The following ATXN1 variants were observed in gnomAD, a reference collection of about 807,000 sequenced individuals.
ATXN1 encodes ataxin-1.
In ATXN1, 8 loss-of-function variants were observed where a neutral mutation model predicts 56.4. The observed-to-expected ratio is 0.14, with a 90% CI of 0.08 to 0.26. ATXN1 has a LOEUF of 0.26. Among genes scored for constraint, ATXN1 ranks in the 10% least tolerant of loss-of-function variants. The pLI, the probability that ATXN1 is intolerant of heterozygous loss-of-function variation, is 1.00. For synonymous variants in ATXN1, 514 were observed against 494.6 expected (o/e 1.04, Z -0.52); for missense variants, 987 against 1,106.5 (o/e 0.89, Z 1.53).
intron 3 of ATXN1, among the ~76,000 whole-genome samples, chr6:16,654,190 G>A (rs1758141604): frequency 6.6e-6 from 1 of 152,172 alleles, no homozygotes; most frequent in Non-Finnish European, 1.5e-5. Context: ...CACTCACAGA[G>A]TAATGCACAG....
chr6:16,395,908 G>C (rs190856205), intron 6 of ATXN1, among the ~76,000 whole-genome samples: 16 of 151,554 alleles, frequency 1.1e-4, no homozygotes, highest in Non-Finnish European at 1.3e-4. Flanking sequence ...TCAGCTCTTC[G>C]GGTGGCTGAG....
chr6:16,325,332 G>A (rs1468152272), intron 7 of ATXN1, among the ~76,000 whole-genome samples: 1 of 151,938 alleles, frequency 6.6e-6, no homozygotes, highest in Non-Finnish European at 1.5e-5. Context: ...TGGCCAGGCC[G>A]GTCTCGAACT....
Position 16,761,390 on chromosome 6 carries a change from T to A in ATXN1, c.-822A>T, listed in dbSNP as rs1395486928. ...CGGCTGCTGTTGCTCTGGCTGCTGC[T>A]CCACGGGGCTTGTTTTGGATCCCCC... On this transcript the variant is annotated 5_prime_UTR_variant, in exon 1 of 8. Transcript: ENST00000436367. 1 of 456,398 alleles carries A rather than the reference T, an allele frequency of 2.2e-6. No homozygotes were observed. Among genetic ancestry groups the A allele is most frequent in the Non-Finnish European group, 4.4e-6 (1 of 226,912 alleles). 28.3% of individuals were successfully genotyped at this position (456,398 alleles called of 1,614,324 possible). A position where few individuals can be genotyped will look rare whatever the true frequency, so the allele number is the denominator to read the frequency against.
At chr6:16,330,998 C>G (rs1261375386) in intron 6 of ATXN1, among the ~76,000 whole-genome samples, 1 of 151,986 alleles carries the variant, frequency 6.6e-6, no homozygotes, top group Non-Finnish European at 1.5e-5. Context: ...TTTACTCTCG[C>G]AACCCAGGTG....
At chr6:16,564,283 G>T (rs370053403) in intron 4 of ATXN1, among the ~76,000 whole-genome samples, 3 of 151,008 alleles carry the variant, frequency 2.0e-5, no homozygotes, top group African/African-American at 7.4e-5. Flanking sequence ...GAGAGAGGAG[G>T]CCATCGTGAA....
intron 6 of ATXN1, among the ~76,000 whole-genome samples, chr6:16,480,632 A>C (rs1283012974): frequency 2.0e-5 from 3 of 152,176 alleles, no homozygotes; most frequent in African/African-American, 7.2e-5. Context: ...AATATCATGT[A>C]ATTGAGTGAA....
intron 6 of ATXN1, among the ~76,000 whole-genome samples, chr6:16,366,711 G>A (rs974872653): frequency 7.5e-5 from 10 of 132,774 alleles, no homozygotes; most frequent in Non-Finnish European, 1.3e-4. Context: ...AACCCGGGAG[G>A]TGGAGGTTGC....
chr6:16,757,102 G>A (rs1279194564), intron 1 of ATXN1, among the ~76,000 whole-genome samples: 1 of 152,204 alleles, frequency 6.6e-6, no homozygotes, highest in African/African-American at 2.4e-5. Context: ...ACTTAGGTAT[G>A]TTGAAACTTA....
chr6:16,376,670 C>T (rs919230915), intron 6 of ATXN1, among the ~76,000 whole-genome samples: 5 of 152,308 alleles, frequency 3.3e-5, no homozygotes, highest in Admixed American at 1.3e-4. Context: ...AGACAATTTC[C>T]CTTTATTTCA....
At chr6:16,644,765 C>T (rs1470247004) in intron 3 of ATXN1, among the ~76,000 whole-genome samples, 1 of 151,992 alleles carries the variant, frequency 6.6e-6, no homozygotes, top group Non-Finnish European at 1.5e-5. Flanking sequence ...CGTGGCCACT[C>T]ACCAGGAAAG....
At chr6:16,380,833 G>C (rs932224503) in intron 6 of ATXN1, among the ~76,000 whole-genome samples, 1 of 152,120 alleles carries the variant, frequency 6.6e-6, no homozygotes, top group Non-Finnish European at 1.5e-5. Context: ...CATTGTTATG[G>C]GCTGAATTCT....
chr6:16,490,204 A>C (rs899388317), intron 5 of ATXN1, among the ~76,000 whole-genome samples: 4 of 151,704 alleles, frequency 2.6e-5, no homozygotes, highest in Non-Finnish European at 1.5e-5. Context: ...AGGTTATTAC[A>C]CTGTGTGTGG....
chr6:16,736,447 A>G (rs1212203212), intron 2 of ATXN1, among the ~76,000 whole-genome samples: 1 of 152,210 alleles, frequency 6.6e-6, no homozygotes, highest in Non-Finnish European at 1.5e-5. Context: ...GCTTTTCAGG[A>G]GTAAAAAGAG....
At chr6:16,550,457 T>A (rs191293728) in intron 4 of ATXN1, among the ~76,000 whole-genome samples, 36 of 152,370 alleles carry the variant, frequency 2.4e-4, no homozygotes, top group Non-Finnish European at 4.6e-4. Flanking sequence ...AAATACATTT[T>A]GATCTATTTC....
At chr6:16,664,274 T>C (rs1447253503) in intron 2 of ATXN1, among the ~76,000 whole-genome samples, 1 of 152,122 alleles carries the variant, frequency 6.6e-6, no homozygotes, top group Non-Finnish European at 1.5e-5. Context: ...CATAATACAA[T>C]GAATGAAGAG....
chr6:16,503,311 G>A (rs1760918565), intron 5 of ATXN1, among the ~76,000 whole-genome samples: 1 of 152,166 alleles, frequency 6.6e-6, no homozygotes, highest in African/African-American at 2.4e-5. Flanking sequence ...GAGCTGAGGA[G>A]TCTGTACTCC....
chr6:16,761,363 T>A lies in ATXN1; in HGVS notation c.-795A>T. The A allele has an allele frequency of 2.2e-6, 1 of 456,394 alleles. No individual in the cohort carries two copies. Among genetic ancestry groups the A allele is most frequent in the South Asian group, 1.5e-5 (1 of 64,554 alleles). The allele number at this position is 456,394 out of a possible 1,614,324, so 28.3% of individuals were successfully genotyped here. On this transcript the variant is annotated 5_prime_UTR_variant, in exon 1 of 8. Coordinates refer to ENST00000436367, the MANE Select transcript of ATXN1 (RefSeq NM_001128164.2). ...GGGCAGAGGGAGAGAAACAATGTCT[T>A]GCGGCTGCTGTTGCTCTGGCTGCTG...
intron 6 of ATXN1, among the ~76,000 whole-genome samples, chr6:16,387,885 C>A (rs1041533169): frequency 7.2e-5 from 11 of 152,134 alleles, no homozygotes; most frequent in African/African-American, 2.7e-4. Context: ...GTACAATACA[C>A]AACTAAATCT....
intron 5 of ATXN1, among the ~76,000 whole-genome samples, chr6:16,507,264 T>C (rs549852991): frequency 1.8e-4 from 28 of 152,320 alleles, no homozygotes; most frequent in African/African-American, 6.7e-4. Flanking sequence ...ATATGGTATT[T>C]AGAAATTCTC....
Sources: gnomAD v4.1 joint callset for allele counts (sites outside exome capture counted in the v4.1 genomes callset) on GRCh38, gnomAD v4.1.1 for gene constraint, MANE v1.5 for transcripts, NCBI Gene and HGNC (gene_info 2026-07-23, HGNC 2026-07-21) for gene names.